The following TRIM2 variants were observed in gnomAD, a reference collection of about 807,000 sequenced individuals.
TRIM2 encodes tripartite motif containing 2, also known as tripartite motif-containing protein 2.
Under a neutral mutation model 75.2 loss-of-function variants are expected in TRIM2, and 20 were observed. That is an observed-to-expected ratio of 0.27 (90% CI 0.19 to 0.39). The LOEUF (loss-of-function observed/expected upper bound fraction) is 0.39. Ranked by LOEUF, TRIM2 falls within the 10% of genes least tolerant of loss-of-function variation. The pLI, the probability that TRIM2 is intolerant of heterozygous loss-of-function variation, is 1.00. For missense variants in TRIM2, 660 were observed against 990.8 expected (o/e 0.67, Z 4.48); for synonymous variants, 373 against 388.3 (o/e 0.96, Z 0.46).
At chr4:153,312,595 T>C (rs1055112371) in intron 6 of TRIM2, among the ~76,000 whole-genome samples, 1 of 152,120 alleles carries the variant, frequency 6.6e-6, no homozygotes, top group Admixed American at 6.5e-5. Flanking sequence ...AGGAATACTT[T>C]TACACTGTTG....
chr4:153,324,294 T>A, intron 10 of TRIM2, 146 bp downstream of exon 10: 1 of 581,692 alleles, frequency 1.7e-6, no homozygotes, highest in Non-Finnish European at 2.8e-6. Context: ...ATGCCGGTTT[T>A]AACTTGGACT....
chr4:153,257,312 CCACGAATCT>C, intron 1 of TRIM2: 1 of 733,980 alleles, frequency 1.4e-6, no homozygotes. Context: ...AGCAAGCCAC[CCACGAATCT>C]CATTGCAGCT....
chr4:153,303,295 C>G (rs1428477252), intron 6 of TRIM2, among the ~76,000 whole-genome samples: 1 of 140,152 alleles, frequency 7.1e-6, no homozygotes, highest in African/African-American at 2.5e-5. Context: ...GAAGCCCCAT[C>G]TCTACTAAAA....
intron 1 of TRIM2, among the ~76,000 whole-genome samples, chr4:153,261,798 G>T (rs1753653627): frequency 6.6e-6 from 1 of 152,152 alleles, no homozygotes; most frequent in Non-Finnish European, 1.5e-5. Flanking sequence ...GGTATAATTT[G>T]GGATGGAAAA....
intron 6 of TRIM2, among the ~76,000 whole-genome samples, chr4:153,296,424 G>A (rs888927839): frequency 2.0e-5 from 3 of 152,158 alleles, no homozygotes; most frequent in South Asian, 2.1e-4. Context: ...CACCACCAAC[G>A]CCCCTCTTCC....
chr4:153,318,977 G>T (rs182747419), intron 8 of TRIM2, among the ~76,000 whole-genome samples: 1 of 152,318 alleles, frequency 6.6e-6, no homozygotes, highest in African/African-American at 2.4e-5. Context: ...AACCCAAAGG[G>T]TAAAAGGATA....
rs1734853755 is a variant in TRIM2, at chr4:153,204,542, T to C, written c.12T>C (p.Ser4=). Reference sequence around the variant, plus strand: ...GGCTCTGGTCTTCGATGCACAGGAGTGGCCGTTATGGAACGCAGGTAAGGA... The same window carrying C: ...GGCTCTGGTCTTCGATGCACAGGAGCGGCCGTTATGGAACGCAGGTAAGGA... MHR[S]GRYGTQQQRA... Residue 4 remains serine (S), a synonymous_variant, in exon 1 of 12, where the codon AGT becomes AGC. Coordinates refer to ENST00000338700, the MANE Select transcript of TRIM2 (RefSeq NM_015271.5). 10 of 1,551,424 alleles carry C rather than the reference T, an allele frequency of 6.4e-6. No homozygotes were observed. Among genetic ancestry groups the C allele is most frequent in the Non-Finnish European group, 8.7e-6 (10 of 1,146,930 alleles).
intron 1 of TRIM2, among the ~76,000 whole-genome samples, chr4:153,187,580 C>T (rs901671358): frequency 3.9e-5 from 6 of 152,202 alleles, no homozygotes; most frequent in African/African-American, 1.2e-4. Flanking sequence ...AGAGCCACTG[C>T]TGTACCCCAG....
chr4:153,315,913 G>C lies in TRIM2; in HGVS notation c.1696G>C (p.Val566Leu). Residue 566 changes from valine to leucine, a missense_variant, in exon 8 of 12, where the codon GTG (valine) becomes CTG (leucine). Val to Leu is a conservative substitution (Grantham distance 32). Around this residue, in one of 2 missense-constraint regions of TRIM2, gnomAD observed 620 missense variants for 891.0 expected, o/e 0.70. Coordinates refer to ENST00000338700, the MANE Select transcript of TRIM2 (RefSeq NM_015271.5). ...SPGQLQRPTG[V>L]AVHPSGDIII... Reference sequence around the variant, plus strand: ...GGGGCAGCTGCAGCGGCCCACAGGAGTGGCTGTACATCCCAGTGGGGACAT... The same window carrying C: ...GGGGCAGCTGCAGCGGCCCACAGGACTGGCTGTACATCCCAGTGGGGACAT... 6.2e-7 allele frequency: 1 copy of C among 1,613,978 alleles called. No individual in the cohort carries two copies. The highest frequency in any genetic ancestry group is 8.5e-7 in the Non-Finnish European group (1 of 1,179,972).
At chr4:153,330,927 A>T (rs2149591727) in intron 11 of TRIM2, among the ~76,000 whole-genome samples, 1 of 152,382 alleles carries the variant, frequency 6.6e-6, no homozygotes, top group Middle Eastern at 3.4e-3. Flanking sequence ...CCCTGTTTGC[A>T]GATAACATGA....
At chr4:153,291,962 A>G (rs527419244) in intron 3 of TRIM2, among the ~76,000 whole-genome samples, 6 of 152,062 alleles carry the variant, frequency 3.9e-5, no homozygotes, top group African/African-American at 1.2e-4. Context: ...ATTCAGCTAA[A>G]TAAGTGGTGA....
chr4:153,337,326 C>A lies in TRIM2; in HGVS notation c.*2360C>A. 3.0e-6 allele frequency: 3 copies of A among 985,824 alleles called. No homozygotes were observed. The highest frequency in any genetic ancestry group is 3.6e-6 in the Non-Finnish European group (3 of 829,934). The allele number at this position is 985,824 out of a possible 1,614,324, so 61.1% of individuals were successfully genotyped here. On this transcript the variant is annotated 3_prime_UTR_variant, in exon 12 of 12. Coordinates refer to ENST00000338700, the MANE Select transcript of TRIM2 (RefSeq NM_015271.5). The stretch of plus-strand genomic sequence containing the variant: ...GTGAACTTAGAAATTAACTTACAAT[C>A]TAACCAGCCATCATATCATATCCTA...
intron 2 of TRIM2, among the ~76,000 whole-genome samples, chr4:153,274,543 AAGG>A (rs1205129998): frequency 6.6e-6 from 1 of 152,228 alleles, no homozygotes; most frequent in Non-Finnish European, 1.5e-5. Context: ...ATGAGGCTCA[AAGG>A]AGATGTCTGT....
rs909990825 is a variant in TRIM2 at position 153,278,012 on chromosome 4, G to A, written c.453+1882G>A. 3.3e-5 allele frequency among the ~76,000 whole-genome samples: 5 copies of A among 152,218 alleles called. No homozygotes were observed. The East Asian group carries it at 9.6e-4, about 29-fold the overall frequency. On this transcript the variant is annotated intron_variant, in intron 3 of 11. Coordinates refer to ENST00000338700, the MANE Select transcript of TRIM2 (RefSeq NM_015271.5). Reference sequence around the variant, plus strand: ...GAAGGTATTTCTATCAGGTGTAAGAGTGCCCCTTAAAATGAGGCTCTCTGG... The same window carrying A: ...GAAGGTATTTCTATCAGGTGTAAGAATGCCCCTTAAAATGAGGCTCTCTGG...
rs1772593365 is a variant in TRIM2, at chr4:153,337,543, T to C, written c.*2577T>C. On this transcript the variant is annotated 3_prime_UTR_variant, in exon 12 of 12. Coordinates refer to ENST00000338700, the MANE Select transcript of TRIM2 (RefSeq NM_015271.5). ...AAATATGTGATTATATATGTTAAAG[T>C]ATAGATAACATTTCACACTTGGATA... The C allele has an allele frequency of 1.0e-6, 1 of 985,660 alleles. No homozygotes were observed. Among genetic ancestry groups the C allele is most frequent in the Admixed American group, 6.2e-5 (1 of 16,258 alleles). The allele number at this position is 985,660 out of a possible 1,614,324, so 61.1% of individuals were successfully genotyped here.
chr4:153,244,355 C>CTTCTTCCTCTTCTTCTTCTCCT (rs1748079616), intron 1 of TRIM2, among the ~76,000 whole-genome samples: 2 of 12,710 alleles, frequency 1.6e-4, no homozygotes, highest in Admixed American at 8.1e-4. Context: ...CTTCTTCTTC[C>CTTCTTCCTCTTCTTCTTCTCCT]TCTTCTTCTT....
At chr4:153,192,134 C>T (rs947555506) in intron 1 of TRIM2, among the ~76,000 whole-genome samples, 1 of 152,226 alleles carries the variant, frequency 6.6e-6, no homozygotes, top group African/African-American at 2.4e-5. Context: ...TCACCCCACA[C>T]CCTTCCCCAG....
chr4:153,190,243 GAGA>G (rs1415124911), intron 1 of TRIM2, among the ~76,000 whole-genome samples: 2 of 152,242 alleles, frequency 1.3e-5, no homozygotes, highest in African/African-American at 4.8e-5. Context: ...AGACATGTAA[GAGA>G]AGATGTGGGA....
At chr4:153,261,409 G>A (rs959437429) in intron 1 of TRIM2, among the ~76,000 whole-genome samples, 12 of 152,128 alleles carry the variant, frequency 7.9e-5, no homozygotes, top group African/African-American at 2.9e-4. Context: ...GGAGACAGAG[G>A]GAGACTCTGT....
Sources: allele counts gnomAD v4.1 joint callset (sites outside exome capture counted in the v4.1 genomes callset), GRCh38; gene constraint gnomAD v4.1.1; regional missense constraint gnomAD v4.1.1; transcripts MANE v1.5; gene names NCBI Gene and HGNC (gene_info 2026-07-23, HGNC 2026-07-21).